ERO1B: variants seen among roughly 807,000 people sequenced by gnomAD.
ERO1B encodes endoplasmic reticulum oxidoreductase 1 beta.
ERO1B carries 49 observed loss-of-function variants against 75.3 expected under a neutral mutation model. That is an observed-to-expected ratio of 0.65 (90% CI 0.52 to 0.83). ERO1B has a LOEUF of 0.83. Among genes scored for constraint, ERO1B ranks in the 40% least tolerant of loss-of-function variants. The pLI, the probability that ERO1B is intolerant of heterozygous loss-of-function variation, is 0.00. For synonymous variants in ERO1B, 191 were observed against 192.9 expected, an observed-to-expected ratio of 0.99 and a Z score of 0.08; for missense variants, 512 against 560.1, an observed-to-expected ratio of 0.91 and a Z score of 0.87.
intron 14 of ERO1B, among the ~76,000 whole-genome samples, chr1:236,221,219 CTTT>C (rs1156843457): frequency 6.6e-6 from 1 of 152,036 alleles, no homozygotes; most frequent in Admixed American, 6.5e-5. Flanking sequence ...ATTAAAATGA[CTTT>C]TTTAACCTTG....
intron 2 of ERO1B, among the ~76,000 whole-genome samples, chr1:236,269,151 C>T (rs1158840155): frequency 2.0e-5 from 3 of 152,036 alleles, no homozygotes; most frequent in Non-Finnish European, 2.9e-5. Context: ...AGAAGAATCG[C>T]TTGAAGCCAG....
intron 1 of ERO1B, among the ~76,000 whole-genome samples, chr1:236,275,373 G>A (rs1243705896): frequency 6.6e-6 from 1 of 152,166 alleles, no homozygotes; most frequent in African/African-American, 2.4e-5. Context: ...ACAGAACTCA[G>A]AAAGACACTT....
intron 6 of ERO1B, among the ~76,000 whole-genome samples, chr1:236,243,023 C>G (rs1428227132): frequency 6.6e-6 from 1 of 152,152 alleles, no homozygotes; most frequent in African/African-American, 2.4e-5. Flanking sequence ...GTTCACAGAC[C>G]TATAACTAAG....
chr1:236,257,338 T>G (rs1317952160), intron 2 of ERO1B, among the ~76,000 whole-genome samples: 1 of 152,124 alleles, frequency 6.6e-6, no homozygotes, highest in Non-Finnish European at 1.5e-5. Context: ...CTCCTTCTAG[T>G]AATACTCACC....
intron 2 of ERO1B, among the ~76,000 whole-genome samples, chr1:236,254,130 G>A (rs754629531): frequency 2.0e-5 from 3 of 152,164 alleles, no homozygotes; most frequent in Admixed American, 6.5e-5. Flanking sequence ...GGCAGAGAAC[G>A]AGGATGGAGG....
intron 2 of ERO1B, among the ~76,000 whole-genome samples, chr1:236,267,421 G>A (rs995174955): frequency 3.9e-5 from 6 of 152,166 alleles, no homozygotes; most frequent in African/African-American, 1.4e-4. Flanking sequence ...AAGATTAAAC[G>A]AGATATTCAT....
chr1:236,237,039 T>A (rs188876441), intron 6 of ERO1B, among the ~76,000 whole-genome samples: 14 of 152,014 alleles, frequency 9.2e-5, no homozygotes, highest in Non-Finnish European at 1.5e-5. Flanking sequence ...ACAAACTTGT[T>A]GAAATATTTA....
chr1:236,257,745 G>A (rs1368235808), intron 2 of ERO1B, among the ~76,000 whole-genome samples: 1 of 151,262 alleles, frequency 6.6e-6, no homozygotes, highest in Non-Finnish European at 1.5e-5. Context: ...ATATCAAACA[G>A]AAATCATTGA....
intron 10 of ERO1B, among the ~76,000 whole-genome samples, chr1:236,228,256 A>G (rs1572033392): frequency 6.6e-6 from 1 of 152,218 alleles, no homozygotes; most frequent in East Asian, 1.9e-4. Flanking sequence ...GCAATGAGGT[A>G]GGGGATAAGT....
chr1:236,225,010 G>C, intron 13 of ERO1B, 60 bp downstream of exon 13: 1 of 1,435,928 alleles, frequency 7.0e-7, no homozygotes, highest in Non-Finnish European at 9.8e-7. Flanking sequence ...TGGATGCACA[G>C]CATTAAAGCA....
intron 5 of ERO1B, among the ~76,000 whole-genome samples, chr1:236,244,747 A>T (rs909104879): frequency 3.3e-5 from 5 of 152,194 alleles, no homozygotes. Flanking sequence ...TGTGCATCTA[A>T]TGCTAATAAA....
rs1410423991 is a variant in ERO1B at position 236,277,628 on chromosome 1, A to AGACTAGT, written c.102+4047_102+4053dup. On this transcript the variant is annotated intron_variant, in intron 1 of 15. Transcript: ENST00000354619. ...AGGAAGTCAAAATATGTGGGTACAG[A>AGACTAGT]GACTAGTAAATGGATAGATATGGGT... 4.6e-5 allele frequency among the ~76,000 whole-genome samples: 7 copies of AGACTAGT among 152,298 alleles called. No individual in the cohort carries two copies. In the East Asian group the frequency reaches 1.4e-3, roughly 29 times the overall value.
Position 236,260,710 on chromosome 1 carries a change from C to T in ERO1B, c.223-7205G>A, listed in dbSNP as rs568049518. On this transcript the variant is annotated intron_variant, in intron 2 of 15. Coordinates refer to ENST00000354619, the MANE Select transcript of ERO1B (RefSeq NM_019891.4). ...ACAGACCAGGACCTCATGGCTTCACCGCTGAGTTCTACCAAACATATAAAG... is the reference window on the plus strand; with the variant it reads ...ACAGACCAGGACCTCATGGCTTCACTGCTGAGTTCTACCAAACATATAAAG... Among the ~76,000 whole-genome samples the T allele has an allele frequency of 1.2e-4, 18 of 151,290 alleles. No individual in the cohort carries two copies. In the South Asian group the frequency reaches 1.9e-3, roughly 16 times the overall value.
chr1:236,225,282 GACAA>G (rs1664252347), intron 12 of ERO1B, 143 bp from the exon 13 acceptor site: 4 of 741,948 alleles, frequency 5.4e-6, no homozygotes, highest in Non-Finnish European at 6.6e-6. Context: ...GTAGAAAAGT[GACAA>G]ACAGTTCACA....
intron 2 of ERO1B, chr1:236,267,659 A>G (rs1172249034): frequency 1.3e-5 from 2 of 152,226 alleles, no homozygotes; most frequent in African/African-American, 4.8e-5. Context: ...TTTGAAATAT[A>G]AAAGTAAAAA....
chr1:236,265,116 T>G (rs1665405437), intron 2 of ERO1B, among the ~76,000 whole-genome samples: 1 of 151,872 alleles, frequency 6.6e-6, no homozygotes, highest in South Asian at 2.1e-4. Context: ...CTGTGCTGGG[T>G]AGTATATCCA....
In ERO1B at chr1:236,246,587, T is replaced by A. The variant is rs367980289; in HGVS notation, c.432-3092A>T. Reference sequence around the variant, plus strand: ...TGTGCCAATAAAAAAGAATTAAACATTACTATGCCCAAAAACATGAATGAA... The same window carrying A: ...TGTGCCAATAAAAAAGAATTAAACAATACTATGCCCAAAAACATGAATGAA... On this transcript the variant is annotated intron_variant, in intron 5 of 15. Coordinates refer to ENST00000354619, the MANE Select transcript of ERO1B (RefSeq NM_019891.4). Among the ~76,000 whole-genome samples the A allele has an allele frequency of 2.6e-5, 4 of 152,270 alleles. No homozygotes were observed. In the East Asian group the frequency reaches 7.7e-4, roughly 29 times the overall value.
At chr1:236,264,005 T>C (rs1665358954) in intron 2 of ERO1B, among the ~76,000 whole-genome samples, 1 of 152,046 alleles carries the variant, frequency 6.6e-6, no homozygotes, top group Non-Finnish European at 1.5e-5. Context: ...ATATTGACTT[T>C]TTGTATATCA....
rs750927418 is a variant in ERO1B, at chr1:236,278,835, TTTTA to T, written c.102+2843_102+2846del. Among the ~76,000 whole-genome samples, 95 of 152,214 alleles carry T rather than the reference TTTTA, an allele frequency of 6.2e-4. 1 individual carries two copies. The highest frequency in any genetic ancestry group is 1.9e-4 in the Non-Finnish European group (13 of 68,030). On this transcript the variant is annotated intron_variant, in intron 1 of 15. Transcript: ENST00000354619. ...TGTGTGTTCAAAAATATTTTTCTGC[TTTTA>T]TTTTGGAAGGGGATAACATTTAAAA...
Sources: allele counts gnomAD v4.1 joint callset (sites outside exome capture counted in the v4.1 genomes callset), GRCh38; gene constraint gnomAD v4.1.1; transcripts MANE v1.5; gene names NCBI Gene and HGNC (gene_info 2026-07-23, HGNC 2026-07-21).